Variants in TMEM65 observed in about 807,000 individuals in gnomAD.
TMEM65 encodes transmembrane protein 65.
In TMEM65, 22 loss-of-function variants were observed where a neutral mutation model predicts 25.4. That is an observed-to-expected ratio of 0.86 (90% confidence interval 0.62 to 1.23). The LOEUF is 1.23. Ranked by LOEUF, TMEM65 falls within the 50% of genes most tolerant of loss-of-function variation. The pLI, the probability that TMEM65 is intolerant of heterozygous loss-of-function variation, is 0.00. For missense variants in TMEM65, 262 were observed against 308.2 expected (o/e 0.85, Z 1.12); for synonymous variants, 132 against 126.2 (o/e 1.05, Z -0.31).
chr8:124,353,056 G>C (rs898865080), intron 1 of TMEM65, among the ~76,000 whole-genome samples: 5 of 152,194 alleles, frequency 3.3e-5, no homozygotes, highest in Middle Eastern at 3.4e-3. Flanking sequence ...GAACCCAGGG[G>C]GCAGAAGTTG....
At chr8:124,363,738 G>A (rs1184288885) in intron 1 of TMEM65, among the ~76,000 whole-genome samples, 4 of 149,604 alleles carry the variant, frequency 2.7e-5, no homozygotes, top group Non-Finnish European at 5.9e-5. Context: ...TTGGGAGGCT[G>A]AGGCAGGAGA....
chr8:124,349,677 G>T (rs1354146994), intron 1 of TMEM65, among the ~76,000 whole-genome samples: 4 of 152,096 alleles, frequency 2.6e-5, no homozygotes, highest in Non-Finnish European at 5.9e-5. Context: ...CAAAAAATGA[G>T]TTCAGGTCTT....
chr8:124,344,886 C>T (rs1328574313), intron 1 of TMEM65, among the ~76,000 whole-genome samples: 3 of 152,082 alleles, frequency 2.0e-5, no homozygotes, highest in East Asian at 1.9e-4. Flanking sequence ...AGAACATAAA[C>T]GTTCAGCTTA....
chr8:124,363,031 A>C (rs137864638), intron 1 of TMEM65, among the ~76,000 whole-genome samples: 4 of 152,328 alleles, frequency 2.6e-5, no homozygotes, highest in Non-Finnish European at 4.4e-5. Context: ...AAGGTATGAC[A>C]ATTATTTTAC....
In TMEM65 at chr8:124,327,380, A is replaced by G. The variant is rs750549036; in HGVS notation, c.391T>C (p.Leu131=). 6.2e-7 allele frequency: 1 copy of G among 1,604,612 alleles called. No homozygotes were observed. The highest frequency in any genetic ancestry group is 1.7e-5 in the Admixed American group (1 of 58,538). Reference sequence around the variant, plus strand: ...GCAACAATCATAATTGCATTATCCAAAAAGCCAAACCCTATGAAAGGTATC... The same window carrying G: ...GCAACAATCATAATTGCATTATCCAGAAAGCCAAACCCTATGAAAGGTATC... ...NAIPFIGFGF[L]DNAIMIVAGT... Residue 131 remains leucine (L), a synonymous_variant, in exon 3 of 7, where the codon TTG becomes CTG. Coordinates refer to ENST00000297632, the MANE Select transcript of TMEM65 (RefSeq NM_194291.3).
At chr8:124,327,782 T>C (rs1319669558) in intron 2 of TMEM65, among the ~76,000 whole-genome samples, 1 of 128,020 alleles carries the variant, frequency 7.8e-6, no homozygotes, top group African/African-American at 2.7e-5. Flanking sequence ...GCTACTGACA[T>C]TAATCTCTTT....
intron 1 of TMEM65, among the ~76,000 whole-genome samples, chr8:124,358,968 A>T (rs1814822882): frequency 6.6e-6 from 1 of 152,184 alleles, no homozygotes; most frequent in Non-Finnish European, 1.5e-5. Flanking sequence ...GGAAGTTGTG[A>T]CAGAAACTGG....
chr8:124,370,690 A>T (rs573254644), intron 1 of TMEM65, among the ~76,000 whole-genome samples: 1 of 152,370 alleles, frequency 6.6e-6, no homozygotes, highest in South Asian at 2.1e-4. Flanking sequence ...GAAGTAGTAC[A>T]GATAACGTCC....
chr8:124,337,767 C>G (rs1390700356), intron 1 of TMEM65, among the ~76,000 whole-genome samples: 1 of 151,966 alleles, frequency 6.6e-6, no homozygotes, highest in Non-Finnish European at 1.5e-5. Flanking sequence ...AAAGCCTTTT[C>G]CTTTGACTCC....
intron 1 of TMEM65, among the ~76,000 whole-genome samples, chr8:124,366,714 GAAAA>G (rs776420938): frequency 1.0e-5 from 1 of 99,534 alleles, no homozygotes; most frequent in Non-Finnish European, 2.0e-5. Context: ...TTTCATAATG[GAAAA>G]AAAAAAACTT....
chr8:124,340,289 A>T (rs1191461852), intron 1 of TMEM65, among the ~76,000 whole-genome samples: 3 of 152,160 alleles, frequency 2.0e-5, no homozygotes, highest in African/African-American at 7.2e-5. Context: ...GTCTGCATCT[A>T]TGATGTATAT....
chr8:124,329,544 A>G (rs1184733257), intron 2 of TMEM65, among the ~76,000 whole-genome samples: 2 of 152,152 alleles, frequency 1.3e-5, no homozygotes, highest in East Asian at 3.9e-4. Context: ...AAACTTGGTC[A>G]GTAAAACCAA....
At chr8:124,319,835 C>G (rs1166065198) in intron 6 of TMEM65, among the ~76,000 whole-genome samples, 1 of 151,914 alleles carries the variant, frequency 6.6e-6, no homozygotes, top group African/African-American at 2.4e-5. Flanking sequence ...TCTTTAGACC[C>G]CAACCTATAA....
At chr8:124,323,289 A>G (rs1316829233) in intron 4 of TMEM65, 32 bp downstream of exon 4, 4 of 1,231,938 alleles carry the variant, frequency 3.2e-6, no homozygotes, top group Non-Finnish European at 4.6e-6. Context: ...TAAGTGTACA[A>G]TGAAATAATA....
chr8:124,330,729 A>G lies in TMEM65; in HGVS notation c.349+19T>C, dbSNP rs761850949. 31 of 1,591,228 alleles carry G rather than the reference A, an allele frequency of 1.9e-5. No homozygotes were observed. Among genetic ancestry groups the G allele is most frequent in the Middle Eastern group, 3.3e-4 (2 of 6,026 alleles). Reference sequence around the variant, plus strand: ...CAAAAGACAGATGAACATATATTTAACAATTATAGAACCATTACCATATCT... The same window carrying G: ...CAAAAGACAGATGAACATATATTTAGCAATTATAGAACCATTACCATATCT... On this transcript the variant is annotated intron_variant, in intron 2 of 6. Coordinates refer to ENST00000297632, the MANE Select transcript of TMEM65 (RefSeq NM_194291.3).
rs138579202 is a variant in TMEM65 at position 124,314,064 on chromosome 8, AAG to A, written c.622-5_622-4del. ...ATAGTCACCCCAACAGCTTTGCCCT[AAG>A]GAAACAAAAGAGAACATTTTTAAAG... is the stretch of plus-strand genomic sequence containing the variant. On this transcript the variant is annotated splice_region_variant and splice_polypyrimidine_tract_variant and intron_variant, in intron 6 of 6. Transcript: ENST00000297632. 3.9e-3 allele frequency: 6,198 copies of A among 1,608,138 alleles called. 18 individuals carry two copies. Among genetic ancestry groups the A allele is most frequent in the Non-Finnish European group, 4.6e-3 (5,432 of 1,176,622 alleles).
intron 1 of TMEM65, among the ~76,000 whole-genome samples, chr8:124,367,370 A>G (rs1163762230): frequency 6.6e-6 from 1 of 152,162 alleles, no homozygotes; most frequent in Non-Finnish European, 1.5e-5. Flanking sequence ...GCTTCTCAGG[A>G]GGCTGAGGCA....
At chr8:124,340,718 A>C (rs369560456) in intron 1 of TMEM65, among the ~76,000 whole-genome samples, 1 of 152,168 alleles carries the variant, frequency 6.6e-6, no homozygotes, top group Non-Finnish European at 1.5e-5. Flanking sequence ...AAATAGAGAT[A>C]AAAGTCCCAT....
Position 124,308,115 on chromosome 8 carries a change from G to C in TMEM65, c.*5845C>G, listed in dbSNP as rs1814115634. The C allele has an allele frequency of 6.6e-6, 1 of 152,064 alleles. No homozygotes were observed. Among genetic ancestry groups the C allele is most frequent in the African/African-American group, 2.4e-5 (1 of 41,410 alleles). The allele number at this position is 152,064 out of a possible 1,614,324, so 9.4% of individuals were successfully genotyped here. On this transcript the variant is annotated 3_prime_UTR_variant, in exon 7 of 7. Transcript: ENST00000297632. Reference sequence around the variant, plus strand: ...CCTGGACGACAAGAACCCTTTTTCTGGATTGGCTCCATTGCTGTTTTGTCT... The same window carrying C: ...CCTGGACGACAAGAACCCTTTTTCTCGATTGGCTCCATTGCTGTTTTGTCT...
Sources: gnomAD v4.1 joint callset for allele counts (sites outside exome capture counted in the v4.1 genomes callset) on GRCh38, gnomAD v4.1.1 for gene constraint, MANE v1.5 for transcripts, NCBI Gene and HGNC (gene_info 2026-07-23, HGNC 2026-07-21) for gene names.